TSHZ2: variants seen among roughly 807,000 people sequenced by gnomAD.
TSHZ2 encodes teashirt zinc finger homeobox 2.
TSHZ2 carries 21 observed loss-of-function variants against 74.4 expected under a neutral mutation model. The ratio of observed to expected loss-of-function variants is 0.28; its 90% confidence interval spans 0.20 to 0.41. The LOEUF is 0.41. TSHZ2 is among the 10% of genes least tolerant of loss of function. TSHZ2 has a pLI of 1.00. For missense variants in TSHZ2, 1,244 were observed against 1,293.5 expected, an observed-to-expected ratio of 0.96 and a Z score of 0.59; for synonymous variants, 540 against 515.3, an observed-to-expected ratio of 1.05 and a Z score of -0.65.
intron 2 of TSHZ2, among the ~76,000 whole-genome samples, chr20:53,359,668 A>G (rs1189715613): frequency 6.6e-6 from 1 of 152,220 alleles, no homozygotes; most frequent in Non-Finnish European, 1.5e-5. Flanking sequence ...AGCAAATACA[A>G]CAGCTCTGAG....
chr20:53,406,820 C>T (rs555979817), intron 2 of TSHZ2, among the ~76,000 whole-genome samples: 1 of 152,290 alleles, frequency 6.6e-6, no homozygotes, highest in Non-Finnish European at 1.5e-5. Context: ...GAGACAGGTA[C>T]TTTAGATTCC....
chr20:53,251,606 A>G (rs1990333198), intron 1 of TSHZ2, among the ~76,000 whole-genome samples: 1 of 152,194 alleles, frequency 6.6e-6, no homozygotes. Context: ...CGCCAATTTA[A>G]TAAAAAATCC....
chr20:53,168,787 G>A (rs1988121647), intron 1 of TSHZ2: 1 of 152,168 alleles, frequency 6.6e-6, no homozygotes, highest in Non-Finnish European at 1.5e-5. Flanking sequence ...AATGAGTTCT[G>A]TAACTGATGC....
At chr20:52,996,859 G>T (rs558153256) in intron 1 of TSHZ2, among the ~76,000 whole-genome samples, 3 of 152,228 alleles carry the variant, frequency 2.0e-5, no homozygotes, top group Admixed American at 1.3e-4. Flanking sequence ...TTAGTCCAAT[G>T]CATATGTAAT....
intron 2 of TSHZ2, among the ~76,000 whole-genome samples, chr20:53,371,251 T>C (rs1014789717): frequency 2.6e-5 from 4 of 152,182 alleles, no homozygotes; most frequent in African/African-American, 9.7e-5. Flanking sequence ...CCATGATGGA[T>C]ATGACCTCTA....
chr20:53,302,730 T>C (rs1010280413), intron 2 of TSHZ2, among the ~76,000 whole-genome samples: 2 of 152,192 alleles, frequency 1.3e-5, no homozygotes, highest in African/African-American at 4.8e-5. Flanking sequence ...TCCTTTAGTC[T>C]CAGTGAGCCT....
chr20:53,485,208 G>A (rs774310377), intron 2 of TSHZ2, among the ~76,000 whole-genome samples: 12 of 152,176 alleles, frequency 7.9e-5, no homozygotes, highest in Admixed American at 4.6e-4. Context: ...AGCTTGAAAC[G>A]CAAAGATGTT....
At position 53,095,056 on chromosome 20, in the gene TSHZ2, G is replaced by A. The variant is rs181729485; in HGVS notation, c.40+121723G>A. 5.2e-3 allele frequency among the ~76,000 whole-genome samples: 793 copies of A among 152,238 alleles called. 1 individual carries two copies. The highest frequency in any genetic ancestry group is 0.01 in the South Asian group (50 of 4,816). On this transcript the variant is annotated intron_variant, in intron 1 of 2. Transcript: ENST00000371497. ...AATTACAGCAGGCAGAAAACCCAACGCAAAATGGCTCAGACAATCAGGCAA... is the reference window on the plus strand; with the variant it reads ...AATTACAGCAGGCAGAAAACCCAACACAAAATGGCTCAGACAATCAGGCAA...
intron 2 of TSHZ2, among the ~76,000 whole-genome samples, chr20:53,486,214 T>C (rs1448721699): frequency 4.6e-5 from 7 of 152,316 alleles, no homozygotes; most frequent in East Asian, 3.9e-4. Flanking sequence ...ATCCATGTTG[T>C]AGAACGTGTC....
chr20:53,447,923 T>C (rs1984617854), intron 2 of TSHZ2, among the ~76,000 whole-genome samples: 1 of 151,504 alleles, frequency 6.6e-6, no homozygotes, highest in Non-Finnish European at 1.5e-5. Context: ...TTTTTTTTTT[T>C]TTTTTTTTGA....
chr20:53,277,837 C>G (rs1990977138), intron 2 of TSHZ2, among the ~76,000 whole-genome samples: 1 of 152,242 alleles, frequency 6.6e-6, no homozygotes, highest in African/African-American at 2.4e-5. Flanking sequence ...TGAGCAGACT[C>G]AGCACTGCAC....
At chr20:53,423,044 CAAAG>C (rs1036631707) in intron 2 of TSHZ2, among the ~76,000 whole-genome samples, 19 of 152,248 alleles carry the variant, frequency 1.2e-4, no homozygotes, top group African/African-American at 4.6e-4. Context: ...CAAAAAATCA[CAAAG>C]AAAGGCGTCT....
chr20:53,041,564 G>A (rs1984042856), intron 1 of TSHZ2, among the ~76,000 whole-genome samples: 1 of 152,158 alleles, frequency 6.6e-6, no homozygotes. Flanking sequence ...TCTCAAGGAA[G>A]ACTAGGGTCA....
chr20:53,048,412 C>T (rs1354317754), intron 1 of TSHZ2, among the ~76,000 whole-genome samples: 1 of 152,130 alleles, frequency 6.6e-6, no homozygotes. Flanking sequence ...AAGGCATTCC[C>T]CTCTCATCTT....
intron 2 of TSHZ2, among the ~76,000 whole-genome samples, chr20:53,435,160 T>G (rs1983999710): frequency 6.6e-6 from 1 of 152,248 alleles, no homozygotes; most frequent in African/African-American, 2.4e-5. Context: ...TTAGAAAATT[T>G]AGATAAGGAA....
intron 1 of TSHZ2, among the ~76,000 whole-genome samples, chr20:53,117,733 C>G (rs1005827198): frequency 6.6e-6 from 1 of 152,168 alleles, no homozygotes; most frequent in Admixed American, 6.5e-5. Context: ...TAAACTGATA[C>G]ACCGTATTTT....
At position 53,345,989 on chromosome 20, in the gene TSHZ2, GA is replaced by G. The variant is rs201136752; in HGVS notation, c.*8+89420del. 4.0e-3 allele frequency among the ~76,000 whole-genome samples: 603 copies of G among 152,254 alleles called. 2 individuals are homozygous for G. The highest frequency in any genetic ancestry group is 0.014 in the African/African-American group (590 of 41,530). ...GACAGGGACCCCCTTGCACAAATGAGAAGAGCCAGCAAACAGTTAATGGTTG... is the reference window on the plus strand; with the variant it reads ...GACAGGGACCCCCTTGCACAAATGAGAGAGCCAGCAAACAGTTAATGGTTG... On this transcript the variant is annotated intron_variant, in intron 2 of 2. Transcript: ENST00000371497.
At chr20:53,099,149 A>G (rs1302541027) in intron 1 of TSHZ2, among the ~76,000 whole-genome samples, 1 of 152,180 alleles carries the variant, frequency 6.6e-6, no homozygotes, top group African/African-American at 2.4e-5. Flanking sequence ...TTGACTAGGC[A>G]CCAGCAAGGA....
At chr20:53,004,132 C>T (rs535054254) in intron 1 of TSHZ2, among the ~76,000 whole-genome samples, 123 of 151,870 alleles carry the variant, frequency 8.1e-4, no homozygotes, top group African/African-American at 2.2e-3. Context: ...ATGGAACACG[C>T]ACCCACTCCC....
Sources: gnomAD v4.1 joint callset for allele counts (sites outside exome capture counted in the v4.1 genomes callset) on GRCh38, gnomAD v4.1.1 for gene constraint, MANE v1.5 for transcripts, NCBI Gene and HGNC (gene_info 2026-07-23, HGNC 2026-07-21) for gene names.